KLRG1: variants seen among roughly 807,000 people sequenced by gnomAD.
KLRG1 encodes the protein killer cell lectin-like receptor subfamily G member 1.
Under a neutral mutation model 21.8 loss-of-function variants are expected in KLRG1, and 16 were observed. That is an observed-to-expected ratio of 0.73 (90% CI 0.50 to 1.11). The LOEUF (loss-of-function observed/expected upper bound fraction) is 1.11. KLRG1 is among the 50% of genes most tolerant of loss of function. The pLI, the probability that KLRG1 is intolerant of heterozygous loss-of-function variation, is 0.00. For missense variants in KLRG1, 173 were observed against 218.3 expected (o/e 0.79, Z 1.31); for synonymous variants, 69 against 75.9 (o/e 0.91, Z 0.47).
the KLRG1 span, chr12:9,095,555 A>G: frequency 3.1e-6 from 5 of 1,612,262 alleles, no homozygotes; most frequent in African/African-American, 6.7e-5. Flanking sequence ...GAAGCTGTAC[A>G]TATCCTTTTC....
At chr12:9,074,964 G>A in the KLRG1 span, among the ~76,000 whole-genome samples, 1 of 152,316 alleles carries the variant, frequency 6.6e-6, no homozygotes, top group South Asian at 2.1e-4. Context: ...AGCTAAGGCA[G>A]ATATTGATGC....
At chr12:9,162,805 T>A in the KLRG1 span, among the ~76,000 whole-genome samples, 2 of 152,338 alleles carry the variant, frequency 1.3e-5, no homozygotes, top group South Asian at 2.1e-4. Context: ...AGGGGACATG[T>A]GCAGGAGGTG....
the KLRG1 span, among the ~76,000 whole-genome samples, chr12:9,190,227 A>G: frequency 4.8e-4 from 73 of 152,342 alleles, 1 homozygote; most frequent in Middle Eastern, 0.02. Flanking sequence ...AATGAACAGT[A>G]GCAAAGACAT....
At chr12:8,969,084 G>A (rs1005964094) in intron 1 of KLRG1, among the ~76,000 whole-genome samples, 6 of 152,190 alleles carry the variant, frequency 3.9e-5, no homozygotes, top group African/African-American at 1.4e-4. Flanking sequence ...GGACAGGGTA[G>A]GACAGGTAGG....
At chr12:9,194,566 G>A in the KLRG1 span, among the ~76,000 whole-genome samples, 2 of 146,412 alleles carry the variant, frequency 1.4e-5, no homozygotes, top group Non-Finnish European at 3.0e-5. Context: ...CTGGACTCAC[G>A]CCATTCTCCT....
the KLRG1 span, chr12:9,160,532 C>A: frequency 1.3e-6 from 2 of 1,568,524 alleles, no homozygotes; most frequent in Non-Finnish European, 1.7e-6. Flanking sequence ...AATTTCAGTT[C>A]ATAAATAGCC....
chr12:9,196,089 T>A, the KLRG1 span, among the ~76,000 whole-genome samples: 2 of 152,326 alleles, frequency 1.3e-5, no homozygotes, highest in East Asian at 3.9e-4. Context: ...TAAGTCACAT[T>A]ACATTAAGTA....
At chr12:9,027,512 A>G in the KLRG1 span, 1 of 1,116,194 alleles carries the variant, frequency 9.0e-7, no homozygotes, top group Non-Finnish European at 1.3e-6. Context: ...TCTCCTGCTA[A>G]GCTTTGTTTC....
chr12:9,146,652 G>T, the KLRG1 span, among the ~76,000 whole-genome samples: 2 of 152,090 alleles, frequency 1.3e-5, no homozygotes, highest in Admixed American at 6.6e-5. Flanking sequence ...ATAGGAGAAG[G>T]TTCCTATCAA....
the KLRG1 span, chr12:9,107,424 T>C: frequency 7.1e-7 from 1 of 1,408,410 alleles, no homozygotes; most frequent in Non-Finnish European, 9.7e-7. Flanking sequence ...GGAATTCTCT[T>C]CTAGATTGTT....
At chr12:9,079,196 A>G in the KLRG1 span, 1 of 1,460,222 alleles carries the variant, frequency 6.8e-7, no homozygotes, top group South Asian at 1.2e-5. Flanking sequence ...AATACATGTA[A>G]AAGAGCTGGC....
Position 9,003,405 on chromosome 12 carries a change from A to T in KLRG1, c.358-5570A>T, listed in dbSNP as rs994236827. Among the ~76,000 whole-genome samples, 20 of 151,780 alleles carry T rather than the reference A, an allele frequency of 1.3e-4. 1 individual carries two copies. The highest frequency in any genetic ancestry group is 4.8e-4 in the African/African-American group (20 of 41,280). On this transcript the variant is annotated intron_variant, in intron 3 of 4. Transcript: ENST00000356986. ...ATATACTCAAATTTTATATACTTTG[A>T]ATGCAGTAACATTTATTTTTGAATC... is the stretch of plus-strand genomic sequence containing the variant.
chr12:9,033,437 T>C, the KLRG1 span, among the ~76,000 whole-genome samples: 1 of 150,212 alleles, frequency 6.7e-6, no homozygotes, highest in Non-Finnish European at 1.5e-5. Context: ...AGAATGAGAC[T>C]CTTTAAAAAA....
the KLRG1 span, chr12:9,160,052 A>G: frequency 6.3e-7 from 1 of 1,587,932 alleles, no homozygotes; most frequent in South Asian, 1.1e-5. Flanking sequence ...CAGATTGTTC[A>G]TGAAGCATTA....
rs2137457354 is a variant in KLRG1, at chr12:9,010,533, AG to A, written c.*997del. 6.5e-6 allele frequency: 1 copy of A among 153,580 alleles called. No individual in the cohort carries two copies. Among genetic ancestry groups the A allele is most frequent in the South Asian group, 2.0e-4 (1 of 4,912 alleles). 9.5% of individuals were successfully genotyped at this position (153,580 alleles called of 1,614,324 possible). ...AAGAAAAACTTTATTATTTCTCCTC[AG>A]TAGAGTTTGGACATACATAAGGAGA... On this transcript the variant is annotated 3_prime_UTR_variant, in exon 5 of 5. Transcript: ENST00000356986.
downstream of KLRG1, among the ~76,000 whole-genome samples, chr12:9,012,312 A>G (rs887202862): frequency 6.6e-6 from 1 of 152,178 alleles, no homozygotes; most frequent in Non-Finnish European, 1.5e-5. Flanking sequence ...ACCACCACGC[A>G]GAGTCCTAAG....
chr12:8,967,893 A>G (rs150931645), intron 1 of KLRG1, among the ~76,000 whole-genome samples: 3 of 152,156 alleles, frequency 2.0e-5, no homozygotes, highest in African/African-American at 7.2e-5. Flanking sequence ...GTGACTAAAG[A>G]TGTGCAATGG....
the KLRG1 span, chr12:9,166,914 T>C: frequency 2.0e-5 from 3 of 152,240 alleles, no homozygotes; most frequent in African/African-American, 7.2e-5. Context: ...TAATTGAATT[T>C]GATTTAAGAT....
intron 1 of KLRG1, among the ~76,000 whole-genome samples, chr12:8,963,397 G>T (rs1946412139): frequency 6.6e-6 from 1 of 152,212 alleles, no homozygotes; most frequent in African/African-American, 2.4e-5. Flanking sequence ...CTTGATCATG[G>T]TGGATAAGCT....
Sources: gnomAD v4.1 joint callset for allele counts (sites outside exome capture counted in the v4.1 genomes callset) on GRCh38, gnomAD v4.1.1 for gene constraint, MANE v1.5 for transcripts, NCBI Gene and HGNC (gene_info 2026-07-23, HGNC 2026-07-21) for gene names.